The following UBXN11 variants were observed in gnomAD, a reference collection of about 807,000 sequenced individuals.
UBXN11 encodes UBX domain-containing protein 11.
In UBXN11, 47 loss-of-function variants were observed where a neutral mutation model predicts 62.8. The ratio of observed to expected loss-of-function variants is 0.75; its 90% CI spans 0.59 to 0.95. The LOEUF (loss-of-function observed/expected upper bound fraction) is 0.95, where lower values mean the gene tolerates loss of function less well. Among genes scored for constraint, UBXN11 ranks in the 40% least tolerant of loss-of-function variants. The pLI, the probability that UBXN11 is intolerant of heterozygous loss-of-function variation, is 0.00. For synonymous variants in UBXN11, 294 were observed against 267.0 expected (o/e 1.10, Z -0.99); for missense variants, 638 against 661.7 (o/e 0.96, Z 0.39).
intron 8 of UBXN11, among the ~76,000 whole-genome samples, chr1:26,289,273 G>A (rs955969352): frequency 5.3e-5 from 8 of 152,196 alleles, no homozygotes; most frequent in African/African-American, 1.9e-4. Context: ...GAAGCGTTTG[G>A]CAGATGGTGG....
intron 8 of UBXN11, among the ~76,000 whole-genome samples, chr1:26,293,724 CAAAAAAAAAAAAAAAAA>C (rs1163207554): frequency 7.4e-5 from 2 of 26,922 alleles, no homozygotes; most frequent in African/African-American, 1.6e-4. Context: ...GACTCCGTCT[CAAAAAAAAAAAAAAAAA>C]AAAAAAAAAA....
At chr1:26,292,730 T>C (rs2073300375) in intron 8 of UBXN11, among the ~76,000 whole-genome samples, 1 of 151,790 alleles carries the variant, frequency 6.6e-6, no homozygotes, top group Admixed American at 6.6e-5. Flanking sequence ...GGTGGGCGCC[T>C]GTAATCCCAG....
At chr1:26,298,968 C>G (rs930121478) in intron 4 of UBXN11, among the ~76,000 whole-genome samples, 5 of 152,092 alleles carry the variant, frequency 3.3e-5, no homozygotes, top group Admixed American at 2.0e-4. Flanking sequence ...ATGGAGAAAC[C>G]TGAGCCCCTG....
At chr1:26,318,159 C>T (rs1283671156) in exon 1 of UBXN11, 6 of 1,120,608 alleles carry the variant, frequency 5.4e-6, no homozygotes, top group Non-Finnish European at 8.2e-6. Flanking sequence ...CTCCCAGAGA[C>T]CCAGCCTTCT....
At chr1:26,318,256 G>T in exon 1 of UBXN11, 1 of 595,418 alleles carries the variant, frequency 1.7e-6, no homozygotes, top group Admixed American at 3.0e-5. Flanking sequence ...CTTCTGGCTG[G>T]GGCTGCACTG....
chr1:26,299,773 G>A (rs184274523), intron 4 of UBXN11, among the ~76,000 whole-genome samples: 1 of 152,216 alleles, frequency 6.6e-6, no homozygotes, highest in Non-Finnish European at 1.5e-5. Context: ...GATGACAGGG[G>A]AAAGCAGGGA....
Position 26,302,799 on chromosome 1 carries a change from G to A in UBXN11, c.71+14C>T. ...GAGGCGGGGACAGAAAGACCCCTGA[G>A]GCTGGCTCCTTACCCAGGATTCATA... On this transcript the variant is annotated intron_variant, in intron 2 of 14. Coordinates refer to ENST00000374222, the MANE Select transcript of UBXN11 (RefSeq NM_001389556.1). 1 of 1,612,376 alleles carries A rather than the reference G, an allele frequency of 6.2e-7. No individual in the cohort carries two copies. Among genetic ancestry groups the A allele is most frequent in the East Asian group, 2.2e-5 (1 of 44,872 alleles).
chr1:26,285,883 G>A lies in UBXN11; in HGVS notation c.714C>T (p.Tyr238=). 6.2e-7 allele frequency: 1 copy of A among 1,613,262 alleles called. No homozygotes were observed. Among genetic ancestry groups the A allele is most frequent in the Non-Finnish European group, 8.5e-7 (1 of 1,179,284 alleles). ...RTLEPIPLKL[Y]RNGIMMFDGP... The stretch of plus-strand genomic sequence containing the variant: ...CGTCGAACATCATGATGCCATTCCG[G>A]TAGAGCTTCAGCGGGATGGGCTCGA... The change falls in exon 9 of 15, where the codon TAC becomes TAT. Residue 238 remains tyrosine, a synonymous_variant. Coordinates refer to ENST00000374222, the MANE Select transcript of UBXN11 (RefSeq NM_001389556.1).
rs1203357166 is a variant in UBXN11 at position 26,282,726 on chromosome 1, A to G, written c.1215T>C (p.Asn405=). 1.2e-6 allele frequency: 2 copies of G among 1,614,186 alleles called. No individual in the cohort carries two copies. The highest frequency in any genetic ancestry group is 1.7e-6 in the Non-Finnish European group (2 of 1,180,024). Residue 405 remains asparagine, a synonymous_variant, in exon 14 of 15, where the codon AAT becomes AAC. Transcript: ENST00000374222. ...TCATCAGTAGGAAGGCCTGTTCCCC[A>G]TTCTCAGACTTGATGCGCAGCATGG... is the stretch of plus-strand genomic sequence containing the variant. ...PLSMLRIKSE[N]GEQAFLLMMQ...
At position 26,282,695 on chromosome 1, in the gene UBXN11, G is replaced by C; in HGVS notation, c.1246C>G (p.Pro416Ala). The C allele has an allele frequency of 1.2e-6, 2 of 1,614,162 alleles. No individual in the cohort carries two copies. Among genetic ancestry groups the C allele is most frequent in the Non-Finnish European group, 1.7e-6 (2 of 1,180,028 alleles). ...GEQAFLLMMQ[P>A]DNTIGDVRAL... ...CGCACGTCCCCAATGGTGTTGTCAG[G>C]CTGCATCATCAGTAGGAAGGCCTGT... The change falls in exon 14 of 15, where the codon CCT becomes GCT. Residue 416 changes from proline (P) to alanine (A), a missense_variant. Coordinates refer to ENST00000374222, the MANE Select transcript of UBXN11 (RefSeq NM_001389556.1).
chr1:26,298,780 G>GGA (rs2073457249), intron 4 of UBXN11, among the ~76,000 whole-genome samples: 4 of 61,708 alleles, frequency 6.5e-5, no homozygotes, highest in African/African-American at 2.2e-4. Context: ...CTCTGTCTCA[G>GGA]AAAAAAAAAA....
At chr1:26,293,752 A>AAAAAAAAAG (rs1294606207) in intron 8 of UBXN11, among the ~76,000 whole-genome samples, 2 of 148,532 alleles carry the variant, frequency 1.3e-5, no homozygotes, top group African/African-American at 2.5e-5. Context: ...AAAAAAAAAA[A>AAAAAAAAAG]GACATGGTAG....
intron 8 of UBXN11, 154 bp downstream of exon 8, chr1:26,294,051 C>T (rs2073336849): frequency 2.5e-6 from 3 of 1,206,048 alleles, no homozygotes; most frequent in Non-Finnish European, 1.1e-6. Flanking sequence ...AAGGCTGCTC[C>T]CACATTGTCT....
intron 8 of UBXN11, among the ~76,000 whole-genome samples, chr1:26,293,724 CAAAAAAA>C (rs1163207554): frequency 6.3e-4 from 17 of 26,942 alleles, no homozygotes; most frequent in East Asian, 6.0e-3. Flanking sequence ...GACTCCGTCT[CAAAAAAA>C]AAAAAAAAAA....
At chr1:26,294,535 C>A (rs2073350400) in intron 7 of UBXN11, among the ~76,000 whole-genome samples, 1 of 152,338 alleles carries the variant, frequency 6.6e-6, no homozygotes, top group South Asian at 2.1e-4. Flanking sequence ...TCAGACGACT[C>A]CTCTAATAAA....
In UBXN11 at chr1:26,284,122, G is replaced by A. The variant is rs1243368060; in HGVS notation, c.1077+20C>T. 7 of 1,580,864 alleles carry A rather than the reference G, an allele frequency of 4.4e-6. No homozygotes were observed. Among genetic ancestry groups the A allele is most frequent in the African/African-American group, 1.4e-5 (1 of 73,648 alleles). On this transcript the variant is annotated intron_variant, in intron 12 of 14. Transcript: ENST00000374222. ...CTAAAGTTCCCCCAGGAGGGCTGGG[G>A]GAGTTAGCATTGGCCTCACCTGCAA...
intron 10 of UBXN11, 78 bp downstream of exon 10, chr1:26,285,386 G>A (rs536950550): frequency 6.4e-7 from 1 of 1,564,968 alleles, no homozygotes; most frequent in Non-Finnish European, 8.7e-7. Context: ...CCCTCAGAAT[G>A]GGAGGTGTCT....
chr1:26,285,832 G>C lies in UBXN11; in HGVS notation c.765C>G (p.Pro255=). 1 of 1,605,612 alleles carries C rather than the reference G, an allele frequency of 6.2e-7. No individual in the cohort carries two copies. Among genetic ancestry groups the C allele is most frequent in the Non-Finnish European group, 8.5e-7 (1 of 1,173,216 alleles). Residue 255 remains proline (P), a synonymous_variant, in exon 9 of 15, where the codon CCC becomes CCG. Coordinates refer to ENST00000374222, the MANE Select transcript of UBXN11 (RefSeq NM_001389556.1). ...CCAACACCGCTCCTACCTGTGTGGA[G>C]GGATCGTAGAAGGGCTGGAAGGGCC... is the stretch of plus-strand genomic sequence containing the variant. The part of the protein sequence containing the change: ...FDGPFQPFYD[P]STQRCLRDIL...
intron 8 of UBXN11, among the ~76,000 whole-genome samples, chr1:26,290,665 G>T (rs2124644128): frequency 6.6e-6 from 1 of 152,268 alleles, no homozygotes; most frequent in South Asian, 2.1e-4. Context: ...ACTCAGGAGT[G>T]TGGGGCTTGA....
Sources: allele counts gnomAD v4.1 joint callset (sites outside exome capture counted in the v4.1 genomes callset), GRCh38; gene constraint gnomAD v4.1.1; transcripts MANE v1.5; gene names NCBI Gene and HGNC (gene_info 2026-07-23, HGNC 2026-07-21).